Variants in FMN1 observed in about 807,000 individuals in gnomAD.
FMN1 encodes formin 1.
In FMN1, 110 loss-of-function variants were observed where a neutral mutation model predicts 132.4. The observed-to-expected ratio is 0.83, with a 90% CI of 0.71 to 0.97. The LOEUF is 0.97. Among genes scored for constraint, FMN1 ranks in the 50% least tolerant of loss-of-function variants. The pLI is 0.00. For missense variants in FMN1, 1,792 were observed against 1,705.3 expected, an observed-to-expected ratio of 1.05 and a Z score of -0.90; for synonymous variants, 722 against 651.7, an observed-to-expected ratio of 1.11 and a Z score of -1.64.
At chr15:32,911,836 G>A (rs2060568413) in intron 10 of FMN1, among the ~76,000 whole-genome samples, 1 of 151,998 alleles carries the variant, frequency 6.6e-6, no homozygotes, top group Admixed American at 6.6e-5. Context: ...AGGCCAATGT[G>A]AAACCAGTAA....
intron 4 of FMN1, among the ~76,000 whole-genome samples, chr15:33,095,104 T>C (rs1317878224): frequency 6.6e-6 from 1 of 152,132 alleles, no homozygotes; most frequent in African/African-American, 2.4e-5. Flanking sequence ...TTCCAGCACT[T>C]TGGGAAGCTG....
chr15:32,801,645 ATT>A, intron 18 of FMN1, among the ~76,000 whole-genome samples: 1 of 150,822 alleles, frequency 6.6e-6, no homozygotes, highest in Non-Finnish European at 1.5e-5. Flanking sequence ...ACAAAAAAAA[ATT>A]ATTCAGGCGT....
intron 4 of FMN1, among the ~76,000 whole-genome samples, chr15:33,127,260 CCCT>C (rs1316191355): frequency 2.6e-5 from 4 of 152,124 alleles, no homozygotes; most frequent in African/African-American, 4.8e-5. Flanking sequence ...CCACAGATCT[CCCT>C]CCTTATTCTT....
chr15:32,783,950 A>C (rs777405438), intron 19 of FMN1, among the ~76,000 whole-genome samples: 18 of 152,112 alleles, frequency 1.2e-4, no homozygotes, highest in Non-Finnish European at 2.2e-4. Flanking sequence ...TGTGAGACTG[A>C]GGAAGTACCA....
intron 7 of FMN1, 28 bp downstream of exon 7, chr15:33,007,986 C>T: frequency 6.4e-7 from 1 of 1,574,312 alleles, no homozygotes; most frequent in Non-Finnish European, 8.7e-7. Flanking sequence ...TTCTATAGAA[C>T]CCGTTCAGTA....
chr15:33,128,580 T>G (rs953684645), intron 4 of FMN1, among the ~76,000 whole-genome samples: 1 of 152,238 alleles, frequency 6.6e-6, no homozygotes, highest in Non-Finnish European at 1.5e-5. Context: ...TCCGATGCGT[T>G]CGTGGTCTAA....
chr15:33,142,613 G>C (rs535489542), intron 4 of FMN1, among the ~76,000 whole-genome samples: 1 of 152,270 alleles, frequency 6.6e-6, no homozygotes, highest in Admixed American at 6.5e-5. Flanking sequence ...ATTAATAGCA[G>C]GAATTTTTTC....
intron 9 of FMN1, among the ~76,000 whole-genome samples, chr15:32,953,917 C>T (rs563797254): frequency 7.2e-5 from 11 of 152,230 alleles, no homozygotes; most frequent in Non-Finnish European, 1.6e-4. Context: ...CTGTTTCAAT[C>T]TTACACACAC....
intron 6 of FMN1, among the ~76,000 whole-genome samples, chr15:33,043,393 G>T (rs182982482): frequency 6.6e-6 from 1 of 152,122 alleles, no homozygotes; most frequent in Non-Finnish European, 1.5e-5. Context: ...GACAAATGCC[G>T]AGCTGTAACC....
intron 4 of FMN1, among the ~76,000 whole-genome samples, chr15:33,091,095 GAAT>G (rs2038885639): frequency 6.6e-6 from 1 of 152,174 alleles, no homozygotes; most frequent in South Asian, 2.1e-4. Context: ...AGTTTGCACA[GAAT>G]AATAAAACAA....
chr15:33,116,384 C>CAAATAAGTCAAACT (rs2039926524), intron 4 of FMN1, among the ~76,000 whole-genome samples: 1 of 151,960 alleles, frequency 6.6e-6, no homozygotes, highest in Non-Finnish European at 1.5e-5. Context: ...CTGTTCAAAC[C>CAAATAAGTCAAACT]GTGTTCAAAT....
rs1965863226 is a variant in FMN1, at chr15:33,185,759, A to ATG, written c.-196-5498_-196-5497insCA. ...AGCTAATTTTGTATTTTTAGTAGAG[A>ATG]CAGGGTTTCACCATGTTGGCCAGGC... On this transcript the variant is annotated intron_variant, in intron 2 of 20. Transcript: ENST00000616417. 2.6e-5 allele frequency among the ~76,000 whole-genome samples: 4 copies of ATG among 151,848 alleles called. No homozygotes were observed. In the South Asian group the frequency reaches 8.3e-4, roughly 32 times the overall value.
intron 16 of FMN1, 51 bp from the exon 17 acceptor site, chr15:32,857,158 CCTG>C (rs2059152563): frequency 7.2e-7 from 1 of 1,395,488 alleles, no homozygotes; most frequent in South Asian, 1.2e-5. Flanking sequence ...TTGCTGAGCT[CCTG>C]CTATGGGCCA....
intron 2 of FMN1, among the ~76,000 whole-genome samples, chr15:33,182,315 C>A (rs578151473): frequency 6.6e-6 from 1 of 152,276 alleles, no homozygotes; most frequent in Non-Finnish European, 1.5e-5. Flanking sequence ...ATGCATAAAG[C>A]AGGGATAATG....
intron 6 of FMN1, among the ~76,000 whole-genome samples, chr15:33,045,071 C>T (rs1442030963): frequency 2.0e-5 from 3 of 152,360 alleles, no homozygotes; most frequent in South Asian, 2.1e-4. Flanking sequence ...GGCTGTGACA[C>T]CTGCTTTGGG....
At chr15:32,970,637 T>G (rs971987150) in intron 7 of FMN1, 4 of 152,252 alleles carry the variant, frequency 2.6e-5, no homozygotes, top group African/African-American at 7.2e-5. Flanking sequence ...AGCTCCCTTT[T>G]GCATTGAAAA....
intron 17 of FMN1, among the ~76,000 whole-genome samples, chr15:32,845,424 C>T (rs1157553041): frequency 6.6e-6 from 1 of 152,052 alleles, no homozygotes; most frequent in Non-Finnish European, 1.5e-5. Flanking sequence ...AAGCTGTTAC[C>T]CAAGGTTAAG....
chr15:33,023,523 G>A (rs2035521945), intron 6 of FMN1, among the ~76,000 whole-genome samples: 1 of 152,180 alleles, frequency 6.6e-6, no homozygotes, highest in Non-Finnish European at 1.5e-5. Flanking sequence ...GTAGGTGATT[G>A]TAAAATTCTG....
At chr15:32,965,590 A>C (rs1397344011) in intron 8 of FMN1, among the ~76,000 whole-genome samples, 4 of 152,184 alleles carry the variant, frequency 2.6e-5, no homozygotes, top group African/African-American at 4.8e-5. Context: ...GAATTTTGTA[A>C]TACTACAGGT....
Sources: gnomAD v4.1 joint callset for allele counts (sites outside exome capture counted in the v4.1 genomes callset) on GRCh38, gnomAD v4.1.1 for gene constraint, MANE v1.5 for transcripts, NCBI Gene and HGNC (gene_info 2026-07-23, HGNC 2026-07-21) for gene names.